DYNC2I1: variants seen among roughly 807,000 people sequenced by gnomAD.
The protein encoded by DYNC2I1 is cytoplasmic dynein 2 intermediate chain 1.
A neutral mutation model predicts 133.4 loss-of-function variants in DYNC2I1; 89 were observed. The ratio of observed to expected loss-of-function variants is 0.67; its 90% CI spans 0.56 to 0.80. DYNC2I1 has a LOEUF of 0.80. Among genes scored for constraint, DYNC2I1 ranks in the 30% least tolerant of loss-of-function variants. The pLI, the probability that DYNC2I1 is intolerant of heterozygous loss-of-function variation, is 0.00. For missense variants in DYNC2I1, 1,291 were observed against 1,314.5 expected, an observed-to-expected ratio of 0.98 and a Z score of 0.28; for synonymous variants, 504 against 484.3, an observed-to-expected ratio of 1.04 and a Z score of -0.54.
chr7:158,840,934 AC>A, the DYNC2I1 span, among the ~76,000 whole-genome samples: 1 of 152,096 alleles, frequency 6.6e-6, no homozygotes, highest in Non-Finnish European at 1.5e-5. Context: ...AAGCCTCCTG[AC>A]TGTCCCTGGG....
At chr7:158,943,236 T>C (rs1268385385) in intron 24 of DYNC2I1, among the ~76,000 whole-genome samples, 2 of 152,206 alleles carry the variant, frequency 1.3e-5, no homozygotes, top group Non-Finnish European at 2.9e-5. Flanking sequence ...CAGACTGTGA[T>C]TTGCAGATAA....
intron 2 of DYNC2I1, among the ~76,000 whole-genome samples, chr7:158,870,280 C>T (rs1469799866): frequency 6.6e-6 from 1 of 152,126 alleles, no homozygotes; most frequent in Non-Finnish European, 1.5e-5. Context: ...TGTGTCTTAG[C>T]GACTTTAAAA....
chr7:158,918,596 G>A (rs1045554533), intron 14 of DYNC2I1, 144 bp from the exon 15 acceptor site: 9 of 842,902 alleles, frequency 1.1e-5, no homozygotes, highest in African/African-American at 3.4e-5. Flanking sequence ...AGAAAGGACC[G>A]TATCGTTTTT....
Position 158,856,584 on chromosome 7 carries a change from A to C in DYNC2I1, c.-152A>C, listed in dbSNP as rs1841244579. ...GGAGAGGCCGCAGGGCACGCTGGGC[A>C]GTGCTTCTGGGCCCTCTGCTGCTCC... On this transcript the variant is annotated 5_prime_UTR_variant, in exon 1 of 25. Transcript: ENST00000407559. 2 of 738,934 alleles carry C rather than the reference A, an allele frequency of 2.7e-6. No individual in the cohort carries two copies. The highest frequency in any genetic ancestry group is 1.9e-6 in the Non-Finnish European group (1 of 539,210). 45.8% of individuals were successfully genotyped at this position (738,934 alleles called of 1,614,324 possible). A position where few individuals can be genotyped will look rare whatever the true frequency, so the allele number is the denominator to read the frequency against.
At chr7:158,897,525 G>A (rs1563131168) in intron 8 of DYNC2I1, among the ~76,000 whole-genome samples, 2 of 152,234 alleles carry the variant, frequency 1.3e-5, no homozygotes, top group East Asian at 3.9e-4. Context: ...AAATTTATGG[G>A]CATAGAGCTG....
rs765459669 is a variant in DYNC2I1 at position 158,945,532 on chromosome 7, A to AGAC, written c.3003-49_3003-48insGAC. ...ATTTTGAAGACTCAGACAGAACCGA[A>AGAC]TGTCCCTTTGTGTGCACTGACCCTC... On this transcript the variant is annotated intron_variant, in intron 24 of 24. Coordinates refer to ENST00000407559, the MANE Select transcript of DYNC2I1 (RefSeq NM_018051.5). The surrounding 1 kb of genome is among the most constrained non-coding windows in gnomAD (Gnocchi z 4.1). The AGAC allele has an allele frequency of 1.8e-5, 27 of 1,540,942 alleles. No individual in the cohort carries two copies. The highest frequency in any genetic ancestry group is 2.3e-5 in the Non-Finnish European group (26 of 1,141,572).
chr7:158,884,464 A>G (rs1844397741), intron 5 of DYNC2I1, 100 bp from the exon 6 acceptor site: 2 of 1,119,780 alleles, frequency 1.8e-6, no homozygotes. Context: ...TGCTGTTGTT[A>G]AATTTTGAAT....
At chr7:158,938,434 T>C (rs981884822) in intron 23 of DYNC2I1, among the ~76,000 whole-genome samples, 2 of 152,098 alleles carry the variant, frequency 1.3e-5, no homozygotes, top group African/African-American at 4.8e-5. Context: ...GCTGAGAGAA[T>C]TCACCATCCT....
At chr7:158,924,624 C>A (rs1056839572) in intron 17 of DYNC2I1, among the ~76,000 whole-genome samples, 4 of 152,164 alleles carry the variant, frequency 2.6e-5, no homozygotes, top group African/African-American at 9.7e-5. Context: ...TAAAAGATAT[C>A]TTTTAAATAA....
At chr7:158,901,685 A>G (rs1009485729) in intron 8 of DYNC2I1, 54 bp from the exon 9 acceptor site, 33 of 1,106,324 alleles carry the variant, frequency 3.0e-5, no homozygotes, top group African/African-American at 1.6e-4. Context: ...TCTATTTGCA[A>G]TATTCAATTT....
intron 1 of DYNC2I1, among the ~76,000 whole-genome samples, chr7:158,866,753 C>T (rs902868250): frequency 1.3e-5 from 2 of 152,016 alleles, no homozygotes; most frequent in Non-Finnish European, 2.9e-5. Flanking sequence ...GGCGTGGTGG[C>T]GGGCGCCTGT....
chr7:158,911,772 G>C, intron 12 of DYNC2I1, 93 bp downstream of exon 12: 3 of 1,415,528 alleles, frequency 2.1e-6, no homozygotes, highest in Non-Finnish European at 2.8e-6. Flanking sequence ...TGCAATATTA[G>C]AACTTGGGGA....
intron 11 of DYNC2I1, among the ~76,000 whole-genome samples, chr7:158,906,707 C>G (rs939107551): frequency 1.6e-4 from 25 of 152,300 alleles, no homozygotes; most frequent in Admixed American, 1.2e-3. Context: ...ATCCACCTGC[C>G]TTGGCCTCCC....
At position 158,876,601 on chromosome 7, in the gene DYNC2I1, T is replaced by C. The variant is rs926570159; in HGVS notation, c.491-8T>C. 2 of 1,560,064 alleles carry C rather than the reference T, an allele frequency of 1.3e-6. No individual in the cohort carries two copies. The highest frequency in any genetic ancestry group is 1.7e-6 in the Non-Finnish European group (2 of 1,161,108). ...GGGAGTATTAAAAATATGTTTTACTTCTTGTAGTAAGTAAAGTAAGAAGTG... is the reference window on the plus strand; with the variant it reads ...GGGAGTATTAAAAATATGTTTTACTCCTTGTAGTAAGTAAAGTAAGAAGTG... On this transcript the variant is annotated splice_polypyrimidine_tract_variant and splice_region_variant and intron_variant, in intron 3 of 24. Coordinates refer to ENST00000407559, the MANE Select transcript of DYNC2I1 (RefSeq NM_018051.5).
chr7:158,951,444 C>T lies in DYNC2I1; in HGVS notation c.*57-5139C>T, dbSNP rs142068078. Among the ~76,000 whole-genome samples the T allele has an allele frequency of 2.4e-3, 358 of 152,306 alleles. 1 individual carries two copies. The highest frequency in any genetic ancestry group is 5.2e-3 in the South Asian group (25 of 4,824). On this transcript the variant is annotated intron_variant and NMD_transcript_variant, in intron 4 of 4. Coordinates refer to the DYNC2I1 transcript ENST00000454771. ...GGAGTCTGCGAGAGGCACAGGGAGACGGGGTCCCCAGCCAGGCCTGGAGGT... is the reference window on the plus strand; with the variant it reads ...GGAGTCTGCGAGAGGCACAGGGAGATGGGGTCCCCAGCCAGGCCTGGAGGT...
At chr7:158,929,376 G>A (rs545717790) in intron 20 of DYNC2I1, among the ~76,000 whole-genome samples, 44 of 152,366 alleles carry the variant, frequency 2.9e-4, no homozygotes, top group African/African-American at 4.3e-4. Flanking sequence ...GAGCGGAGGC[G>A]CAGTGGGAAG....
intron 4 of DYNC2I1, among the ~76,000 whole-genome samples, chr7:158,877,711 A>G (rs560031622): frequency 6.7e-6 from 1 of 150,272 alleles, no homozygotes; most frequent in South Asian, 2.1e-4. Flanking sequence ...TCTTTTTTTT[A>G]TTTTTTAGAG....
intron 10 of DYNC2I1, chr7:158,904,236 A>G (rs1006329278): frequency 6.6e-6 from 1 of 152,176 alleles, no homozygotes; most frequent in African/African-American, 2.4e-5. Context: ...GGTTGTTGTG[A>G]AGATTAATTA....
intron 4 of DYNC2I1, among the ~76,000 whole-genome samples, chr7:158,878,599 G>A (rs1273082347): frequency 1.6e-4 from 21 of 135,020 alleles, no homozygotes; most frequent in South Asian, 5.1e-4. Context: ...GGCCAGGAGG[G>A]CCGACTGTGA....
Sources: allele counts gnomAD v4.1 joint callset (sites outside exome capture counted in the v4.1 genomes callset), GRCh38; gene constraint gnomAD v4.1.1; non-coding constraint Gnocchi (gnomAD v3.1); transcripts MANE v1.5; gene names NCBI Gene and HGNC (gene_info 2026-07-23, HGNC 2026-07-21).